The following ROBO2 variants were observed in gnomAD, a reference collection of about 807,000 sequenced individuals.
The protein encoded by ROBO2 is roundabout guidance receptor 2, also known as roundabout homolog 2.
A neutral mutation model predicts 160.8 loss-of-function variants in ROBO2; 53 were observed. The ratio of observed to expected loss-of-function variants is 0.33; its 90% confidence interval spans 0.26 to 0.41. ROBO2 has a LOEUF of 0.41. Ranked by LOEUF, ROBO2 falls within the 10% of genes least tolerant of loss-of-function variation. ROBO2 has a pLI of 1.00. For synonymous variants in ROBO2, 664 were observed against 611.7 expected (o/e 1.09, Z -1.26); for missense variants, 1,577 against 1,722.4 (o/e 0.92, Z 1.49).
chr3:76,956,772 A>T (rs933298946), intron 2 of ROBO2, among the ~76,000 whole-genome samples: 3 of 152,022 alleles, frequency 2.0e-5, no homozygotes, highest in African/African-American at 7.2e-5. Flanking sequence ...TTTGTTAAAA[A>T]TACAAATCCC....
intron 2 of ROBO2, among the ~76,000 whole-genome samples, chr3:76,659,537 C>T (rs2091729256): frequency 6.6e-6 from 1 of 152,052 alleles, no homozygotes; most frequent in Non-Finnish European, 1.5e-5. Context: ...TAATTTCTCT[C>T]AGCTAATGGG....
intron 6 of ROBO2, among the ~76,000 whole-genome samples, chr3:77,535,381 C>A (rs1251835149): frequency 6.6e-6 from 1 of 151,926 alleles, no homozygotes; most frequent in Non-Finnish European, 1.5e-5. Context: ...ACTTGAAGAG[C>A]CATTTTAAGC....
At chr3:76,017,794 T>G (rs974598916) in intron 2 of ROBO2, among the ~76,000 whole-genome samples, 1 of 152,074 alleles carries the variant, frequency 6.6e-6, no homozygotes. Flanking sequence ...CTACAAATTT[T>G]TTAAAAAGAT....
chr3:76,259,206 G>A (rs1458891839), intron 2 of ROBO2, among the ~76,000 whole-genome samples: 1 of 152,048 alleles, frequency 6.6e-6, no homozygotes, highest in East Asian at 1.9e-4. Flanking sequence ...AAAAATAGGA[G>A]AGAAAGTATG....
Position 76,165,313 on chromosome 3 carries a change from T to G in ROBO2, c.109+227711T>G, listed in dbSNP as rs2072791792. On this transcript the variant is annotated intron_variant, in intron 2 of 26. Transcript: ENST00000487694. ...ATGTTATGGAGATGGCTTCTTTCCT[T>G]CAACCTCATGAGCTAATTTCTGCTG... is the stretch of plus-strand genomic sequence containing the variant. Among the ~76,000 whole-genome samples the G allele has an allele frequency of 2.0e-5, 3 of 151,650 alleles. No homozygotes were observed. In the South Asian group the frequency reaches 6.3e-4, roughly 32 times the overall value.
intron 2 of ROBO2, among the ~76,000 whole-genome samples, chr3:76,169,126 C>T (rs543663534): frequency 1.3e-5 from 2 of 152,168 alleles, no homozygotes; most frequent in Non-Finnish European, 2.9e-5. Flanking sequence ...CATAAATTTT[C>T]TTTCTAGAAG....
intron 2 of ROBO2, among the ~76,000 whole-genome samples, chr3:77,418,343 G>A (rs1346056320): frequency 6.6e-6 from 1 of 152,068 alleles, no homozygotes; most frequent in Non-Finnish European, 1.5e-5. Flanking sequence ...CATATTAGAT[G>A]CATCCATTTT....
intron 2 of ROBO2, among the ~76,000 whole-genome samples, chr3:77,332,746 A>G (rs977186806): frequency 2.0e-5 from 3 of 152,260 alleles, no homozygotes; most frequent in Non-Finnish European, 2.9e-5. Context: ...TTATCATTAT[A>G]ATAAAAACAG....
chr3:76,479,988 A>T (rs998182254), intron 2 of ROBO2, among the ~76,000 whole-genome samples: 1 of 152,068 alleles, frequency 6.6e-6, no homozygotes, highest in African/African-American at 2.4e-5. Context: ...CAGAGCCAAA[A>T]TAAAGAACAA....
At chr3:76,730,013 TA>T (rs1455596359) in intron 2 of ROBO2, among the ~76,000 whole-genome samples, 1 of 152,180 alleles carries the variant, frequency 6.6e-6, no homozygotes, top group Non-Finnish European at 1.5e-5. Flanking sequence ...TTTACTTTCT[TA>T]GTTTGGGAAT....
intron 2 of ROBO2, among the ~76,000 whole-genome samples, chr3:76,973,299 C>T (rs1451676200): frequency 6.6e-6 from 1 of 152,144 alleles, no homozygotes; most frequent in Non-Finnish European, 1.5e-5. Flanking sequence ...TTCAGTAGTC[C>T]ACTGAAAATT....
Position 76,744,183 on chromosome 3 carries a change from G to A in ROBO2, c.110-353831G>A, listed in dbSNP as rs1010487469. ...TATCATAACAAAGTATTACAAAATG[G>A]ATGGCTTAAACAATAGGATTTTGTT... On this transcript the variant is annotated intron_variant, in intron 2 of 26. Coordinates refer to the ROBO2 transcript ENST00000487694. Among the ~76,000 whole-genome samples, 4 of 152,252 alleles carry A rather than the reference G, an allele frequency of 2.6e-5. No individual in the cohort carries two copies. In the East Asian group the frequency reaches 7.7e-4, roughly 29 times the overall value.
In ROBO2 at chr3:77,496,604, A is replaced by G. The variant is rs1292324555; in HGVS notation, c.806+3222A>G. The stretch of plus-strand genomic sequence containing the variant: ...TGACATTTCTTTGGCTTAACATTTA[A>G]TGAAATTTGAATAAGGTTTGTGTAG... On this transcript the variant is annotated intron_variant, in intron 5 of 25. Coordinates refer to ENST00000461745, the Ensembl canonical transcript of ROBO2. Among the ~76,000 whole-genome samples the G allele has an allele frequency of 9.9e-5, 15 of 152,146 alleles. 1 individual carries two copies.
At chr3:77,070,542 G>A (rs72904045) in intron 1 of ROBO2, among the ~76,000 whole-genome samples, 8 of 152,020 alleles carry the variant, frequency 5.3e-5, no homozygotes, top group East Asian at 1.9e-4. Context: ...TCTAAATAAG[G>A]TCATACGATG....
intron 2 of ROBO2, among the ~76,000 whole-genome samples, chr3:76,796,321 T>C (rs2063689009): frequency 6.6e-6 from 1 of 151,790 alleles, no homozygotes; most frequent in South Asian, 2.1e-4. Flanking sequence ...TCAATGTTCT[T>C]AGCTAGATCT....
intron 2 of ROBO2, among the ~76,000 whole-genome samples, chr3:76,567,826 G>T (rs1380282817): frequency 1.5e-5 from 2 of 135,488 alleles, no homozygotes; most frequent in Admixed American, 7.5e-5. Context: ...TTTTTTTTGG[G>T]GGGGGTTGGA....
chr3:76,530,862 C>T (rs1280183276), intron 2 of ROBO2, among the ~76,000 whole-genome samples: 1 of 152,132 alleles, frequency 6.6e-6, no homozygotes, highest in African/African-American at 2.4e-5. Context: ...TTGTAAAACA[C>T]CCTCAACTTC....
At chr3:77,396,385 G>A (rs1167418457) in intron 2 of ROBO2, among the ~76,000 whole-genome samples, 1 of 151,992 alleles carries the variant, frequency 6.6e-6, no homozygotes, top group Non-Finnish European at 1.5e-5. Context: ...ATTATTAAAA[G>A]CATTCTAATC....
chr3:77,602,876 G>T, intron 20 of ROBO2: 1 of 465,616 alleles, frequency 2.1e-6, no homozygotes. Flanking sequence ...GTTCTGCATG[G>T]GCTTGTGCTG....
Sources: allele counts gnomAD v4.1 joint callset (sites outside exome capture counted in the v4.1 genomes callset), GRCh38; gene constraint gnomAD v4.1.1; transcripts MANE v1.5; gene names NCBI Gene and HGNC (gene_info 2026-07-23, HGNC 2026-07-21).